LONP1: variants seen among roughly 807,000 people sequenced by gnomAD.
The protein encoded by LONP1 is lon protease homolog, mitochondrial.
A neutral mutation model predicts 98.5 loss-of-function variants in LONP1; 31 were observed. The observed-to-expected ratio is 0.31, with a 90% CI of 0.24 to 0.42. LONP1 has a LOEUF of 0.42. LONP1 is among the 20% of genes least tolerant of loss of function. LONP1 has a pLI of 1.00. For synonymous variants in LONP1, 781 were observed against 594.7 expected (o/e 1.31, Z -4.56); for missense variants, 1,336 against 1,350.6 (o/e 0.99, Z 0.17).
At chr19:5,701,888 C>T (rs914295981) in intron 8 of LONP1, among the ~76,000 whole-genome samples, 5 of 150,364 alleles carry the variant, frequency 3.3e-5, no homozygotes, top group Admixed American at 6.6e-5. Context: ...ATGTGGGGAG[C>T]GCCTCTGCCC....
Position 5,712,012 on chromosome 19 carries a change from G to C in LONP1, c.639-10C>G. The C allele has an allele frequency of 1.2e-6, 2 of 1,606,876 alleles. No homozygotes were observed. The highest frequency in any genetic ancestry group is 1.7e-6 in the Non-Finnish European group (2 of 1,175,694). On this transcript the variant is annotated splice_polypyrimidine_tract_variant and intron_variant, in intron 3 of 17. Coordinates refer to ENST00000360614, the MANE Select transcript of LONP1 (RefSeq NM_004793.4). The stretch of plus-strand genomic sequence containing the variant: ...TCTGCTGATATGGACTCTGACACGG[G>C]AGCAAGGCAGGTGTGAATCAGCCGC...
rs748290015 is a variant in LONP1, at chr19:5,708,376, T to C, written c.898A>G (p.Ile300Val). 1.5e-6 allele frequency: 2 copies of C among 1,365,686 alleles called. No individual in the cohort carries two copies. The highest frequency in any genetic ancestry group is 2.0e-6 in the Non-Finnish European group (2 of 1,020,780). 84.6% of individuals were successfully genotyped at this position (1,365,686 alleles called of 1,614,324 possible). The change falls in exon 5 of 18, where the codon ATC becomes GTC. Residue 300 changes from isoleucine to valine, a missense_variant. Transcript: ENST00000360614. ...KALTAEIVKTIRDIIALNPLY... is the reference protein window; with the variant it reads ...KALTAEIVKTVRDIIALNPLY... ...GGGTTCAAGGCAATGATGTCCCGGATGGTCTTCACGATCTCTGCAGTCAGG... is the reference window on the plus strand; with the variant it reads ...GGGTTCAAGGCAATGATGTCCCGGACGGTCTTCACGATCTCTGCAGTCAGG...
rs778893209 is a variant in LONP1 at position 5,693,759 on chromosome 19, C to T, written c.2331G>A (p.Thr777=). Residue 777 remains threonine (T), a synonymous_variant, in exon 16 of 18, where the codon ACG becomes ACA. Transcript: ENST00000360614. ...GTCTCAGGGATGTCTCCACAAACAG[C>T]GTGGAGCCTCCTGAAACAGGTGTGG... is the stretch of plus-strand genomic sequence containing the variant. ...GLAWTAMGGS[T]LFVETSLRRP... The T allele has an allele frequency of 1.2e-5, 20 of 1,613,318 alleles. No homozygotes were observed. Among genetic ancestry groups the T allele is most frequent in the East Asian group, 2.2e-5 (1 of 44,866 alleles).
At chr19:5,693,486 G>C in intron 16 of LONP1, 24 bp from the exon 17 acceptor site, 2 of 1,611,652 alleles carry the variant, frequency 1.2e-6, no homozygotes, top group African/African-American at 1.3e-5. Context: ...TGGGGATAGT[G>C]GGTGAGCAGG....
chr19:5,692,285 G>C, intron 17 of LONP1, 77 bp from the exon 18 acceptor site: 3 of 1,405,920 alleles, frequency 2.1e-6, no homozygotes, highest in Non-Finnish European at 2.9e-6. Context: ...GGAACGAAAG[G>C]GCTTCCTGGG....
intron 1 of LONP1, among the ~76,000 whole-genome samples, chr19:5,716,796 G>C (rs2055331458): frequency 6.6e-6 from 1 of 152,228 alleles, no homozygotes; most frequent in Middle Eastern, 3.4e-3. Context: ...ACAAAGGAGG[G>C]AAGCAATTTT....
At chr19:5,716,259 CATATATATATATATATATATAT>C (rs3082272) in intron 1 of LONP1, among the ~76,000 whole-genome samples, 3,483 of 77,244 alleles carry the variant, frequency 0.045, 256 homozygotes, top group East Asian at 0.069. Context: ...TTAAAATATA[CATATATATATATATATATATAT>C]ATATATATAT....
chr19:5,695,934 G>A, intron 13 of LONP1, 120 bp downstream of exon 13: 1 of 819,130 alleles, frequency 1.2e-6, no homozygotes, highest in Non-Finnish European at 1.9e-6. Flanking sequence ...CTGCTCCTCG[G>A]CCGCAGGTCC....
At chr19:5,713,953 C>G (rs1332958117) in intron 2 of LONP1, among the ~76,000 whole-genome samples, 1 of 152,194 alleles carries the variant, frequency 6.6e-6, no homozygotes, top group African/African-American at 2.4e-5. Context: ...CTAAGAGTCC[C>G]TGAAGTTAAT....
intron 4 of LONP1, 69 bp from the exon 5 acceptor site, chr19:5,708,472 A>AAGGCCC: frequency 9.9e-7 from 1 of 1,007,168 alleles, no homozygotes; most frequent in Non-Finnish European, 1.5e-6. Context: ...GGGTGGGAGC[A>AAGGCCC]TGGCCCTGGG....
At chr19:5,707,938 C>T (rs2055174429) in intron 5 of LONP1, 112 bp from the exon 6 acceptor site, 12 of 1,295,130 alleles carry the variant, frequency 9.3e-6, no homozygotes, top group Admixed American at 2.1e-5. Flanking sequence ...GCTATGGGCA[C>T]GGTCTAGGGG....
chr19:5,691,875 ACT>A lies in LONP1; in HGVS notation c.*155_*156del, dbSNP rs950929093. ...AATCATTAAATAGCTTCTATGCCAC[ACT>A]CTGATTAAGCCGACTGAGGTCCCTG... is the stretch of plus-strand genomic sequence containing the variant. On this transcript the variant is annotated 3_prime_UTR_variant, in exon 18 of 18. Coordinates refer to ENST00000360614, the MANE Select transcript of LONP1 (RefSeq NM_004793.4). The A allele has an allele frequency of 3.2e-5, 27 of 844,328 alleles. No individual in the cohort carries two copies. In the East Asian group the frequency reaches 3.5e-4, roughly 11 times the overall value. The allele number at this position is 844,328 out of a possible 1,614,324, so 52.3% of individuals were successfully genotyped here. A position where few individuals can be genotyped will look rare whatever the true frequency, so the allele number is the denominator to read the frequency against.
At position 5,693,772 on chromosome 19, in the gene LONP1, G is replaced by A; in HGVS notation, c.2321-3C>T. 1.2e-6 allele frequency: 2 copies of A among 1,612,680 alleles called. No homozygotes were observed. Among genetic ancestry groups the A allele is most frequent in the Non-Finnish European group, 1.7e-6 (2 of 1,179,566 alleles). ...CTCCACAAACAGCGTGGAGCCTCCT[G>A]AAACAGGTGTGGAGCTGTGAACACG... On this transcript the variant is annotated splice_polypyrimidine_tract_variant and splice_region_variant and intron_variant, in intron 15 of 17. Coordinates refer to ENST00000360614, the MANE Select transcript of LONP1 (RefSeq NM_004793.4).
At chr19:5,695,125 C>T (rs764792819) in intron 13 of LONP1, among the ~76,000 whole-genome samples, 15 of 151,982 alleles carry the variant, frequency 9.9e-5, no homozygotes, top group Non-Finnish European at 8.8e-5. Context: ...ACTTCCTATC[C>T]CCCAATGGTA....
intron 5 of LONP1, 126 bp downstream of exon 5, chr19:5,708,216 A>G (rs1366602582): frequency 2.1e-6 from 2 of 968,682 alleles, no homozygotes; most frequent in East Asian, 5.2e-5. Context: ...TCCTCCACAC[A>G]GGCCACTCCT....
rs1306102177 is a variant in LONP1, at chr19:5,702,064, C to T, written c.1368-1137G>A. Among the ~76,000 whole-genome samples the T allele has an allele frequency of 3.3e-3, 462 of 138,766 alleles. 6 individuals are homozygous for T. Among genetic ancestry groups the T allele is most frequent in the East Asian group, 1.1e-3 (5 of 4,740 alleles). 91.0% of individuals were successfully genotyped at this position (138,766 alleles called of 152,430 possible). A position where few individuals can be genotyped will look rare whatever the true frequency, so the allele number is the denominator to read the frequency against. The stretch of plus-strand genomic sequence containing the variant: ...GTCTCCGCCCAGCAGCCACCCCGTC[C>T]GGGAGGGAGGTGGGGGGGTCAGCCC... On this transcript the variant is annotated intron_variant, in intron 8 of 17. Coordinates refer to ENST00000360614, the MANE Select transcript of LONP1 (RefSeq NM_004793.4).
At chr19:5,719,520 G>A (rs2055389827) in intron 1 of LONP1, among the ~76,000 whole-genome samples, 184 bp downstream of exon 1, 1 of 152,220 alleles carries the variant, frequency 6.6e-6, no homozygotes, top group African/African-American at 2.4e-5. Context: ...AAATCCGAAA[G>A]GGAGAGGACT....
At chr19:5,714,450 A>G (rs2055283042) in intron 1 of LONP1, among the ~76,000 whole-genome samples, 179 bp from the exon 2 acceptor site, 1 of 149,590 alleles carries the variant, frequency 6.7e-6, no homozygotes, top group Non-Finnish European at 1.5e-5. Flanking sequence ...GATTACAGGC[A>G]TGCACCACCA....
intron 17 of LONP1, 38 bp from the exon 18 acceptor site, chr19:5,692,246 TGGGAGGG>T: frequency 1.3e-6 from 2 of 1,574,160 alleles, no homozygotes; most frequent in Non-Finnish European, 1.7e-6. Flanking sequence ...CCTGGGCCTG[TGGGAGGG>T]CAGCAGGTGT....
Sources: gnomAD v4.1 joint callset for allele counts (sites outside exome capture counted in the v4.1 genomes callset) on GRCh38, gnomAD v4.1.1 for gene constraint, MANE v1.5 for transcripts, NCBI Gene and HGNC (gene_info 2026-07-23, HGNC 2026-07-21) for gene names.